The following ZNF331 variants were observed in gnomAD, a reference collection of about 807,000 sequenced individuals.
ZNF331 encodes the protein zinc finger protein 331, also known as C2H2-like zinc finger protein rearranged in thyroid adenomas.
In ZNF331, 2 loss-of-function variants were observed where a neutral mutation model predicts 7.0. That is an observed-to-expected ratio of 0.29 (90% CI 0.12 to 0.90). The LOEUF is 0.90. Among genes scored for constraint, ZNF331 ranks in the 40% least tolerant of loss-of-function variants. The pLI is 0.58. For synonymous variants in ZNF331, 196 were observed against 205.4 expected, an observed-to-expected ratio of 0.95 and a Z score of 0.39; for missense variants, 432 against 587.7, an observed-to-expected ratio of 0.74 and a Z score of 2.74.
chr19:53,534,820 CAT>C (rs2087678814), upstream of ZNF331, among the ~76,000 whole-genome samples: 1 of 152,060 alleles, frequency 6.6e-6, no homozygotes, highest in African/African-American at 2.4e-5. Flanking sequence ...TGCCTTGTAA[CAT>C]AACATATTCC....
At chr19:53,537,904 G>A (rs2087837889), upstream of ZNF331, 1 of 151,878 alleles carries the variant, frequency 6.6e-6, no homozygotes, top group Admixed American at 6.6e-5. Context: ...CGGCATCTGT[G>A]CGTGCGCACA....
rs571164233 is a variant in ZNF331 at position 53,524,767 on chromosome 19, A to G, written c.-205+2083A>G. Among the ~76,000 whole-genome samples, 7 of 152,162 alleles carry G rather than the reference A, an allele frequency of 4.6e-5. No homozygotes were observed. In the East Asian group the frequency reaches 1.4e-3, roughly 29 times the overall value. On this transcript the variant is annotated intron_variant, in intron 2 of 6. Coordinates refer to the ZNF331 transcript ENST00000253144. ...TTGCTGTTCAGAAGCTCTTTAGTTT[A>G]ATTAGATCCCATTTGTCTATTTTGG...
At chr19:53,507,966 A>G in the ZNF331 span, among the ~76,000 whole-genome samples, 1 of 152,150 alleles carries the variant, frequency 6.6e-6, no homozygotes, top group African/African-American at 2.4e-5. Context: ...GGTTTTGGCC[A>G]CTGCCCACAT....
chr19:53,558,942 C>T lies in ZNF331; in HGVS notation c.-74+3034C>T, dbSNP rs796624754. ...TATACACACACATACACACCATACA[C>T]ACATATACACATACCATATACACAC... On this transcript the variant is annotated intron_variant, in intron 3 of 5. Coordinates refer to ENST00000449416, the MANE Select transcript of ZNF331 (RefSeq NM_001079906.2). This position sits in a 1 kb window ranked among gnomAD's most constrained non-coding sequence, Gnocchi z 4.5. Among the ~76,000 whole-genome samples, 7 of 97,566 alleles carry T rather than the reference C, an allele frequency of 7.2e-5. No individual in the cohort carries two copies. The highest frequency in any genetic ancestry group is 4.9e-4 in the African/African-American group (7 of 14,180). The allele number at this position is 97,566 out of a possible 152,430, so 64.0% of individuals were successfully genotyped here. A position where few individuals can be genotyped will look rare whatever the true frequency, so the allele number is the denominator to read the frequency against.
intron 3 of ZNF331, among the ~76,000 whole-genome samples, chr19:53,556,381 C>T (rs1219023942): frequency 6.6e-6 from 1 of 152,072 alleles, no homozygotes; most frequent in Non-Finnish European, 1.5e-5. Context: ...CTGTACTAAA[C>T]TGTCTCTTGT....
chr19:53,519,269 G>A (rs914009941), upstream of ZNF331, among the ~76,000 whole-genome samples: 1 of 152,026 alleles, frequency 6.6e-6, no homozygotes, highest in Non-Finnish European at 1.5e-5. Context: ...CCCAACAACA[G>A]CATATATTTT....
rs569374525 is a variant in ZNF331, at chr19:53,544,350, C to A, written c.-138+5068C>A. 6.6e-5 allele frequency among the ~76,000 whole-genome samples: 10 copies of A among 151,400 alleles called. No individual in the cohort carries two copies. In the East Asian group the frequency reaches 1.8e-3, roughly 27 times the overall value. ...CACGAGGTCAGGAGATGGAGACCAT[C>A]CTGGCTAACACGGTGAAACCCCATC... On this transcript the variant is annotated intron_variant, in intron 2 of 5. Transcript: ENST00000449416.
Position 53,556,868 on chromosome 19 carries a change from C to T in ZNF331, c.-74+960C>T, listed in dbSNP as rs577096548. On this transcript the variant is annotated intron_variant, in intron 3 of 5. Transcript: ENST00000449416. ...TCATCCAGGTTGGAGTGCAGTGGCA[C>T]AATCTTGGCTCACTTCAACCTCTGC... Among the ~76,000 whole-genome samples the T allele has an allele frequency of 3.9e-4, 59 of 150,878 alleles. 1 individual carries two copies. The highest frequency in any genetic ancestry group is 6.8e-3 in the Middle Eastern group (2 of 292).
At chr19:53,510,540 C>T in the ZNF331 span, among the ~76,000 whole-genome samples, 1 of 151,552 alleles carries the variant, frequency 6.6e-6, no homozygotes, top group South Asian at 2.1e-4. Context: ...TTATGCACTG[C>T]AGTCTATTTC....
intron 3 of ZNF331, among the ~76,000 whole-genome samples, chr19:53,561,334 CAAAAAAAA>C (rs59551370): frequency 9.5e-6 from 1 of 104,886 alleles, no homozygotes; most frequent in Admixed American, 1.1e-4. Flanking sequence ...GCCTGCTGGC[CAAAAAAAA>C]AAAAAAAAAA....
At chr19:53,520,745 C>T (rs953289998), upstream of ZNF331, among the ~76,000 whole-genome samples, 7 of 152,186 alleles carry the variant, frequency 4.6e-5, no homozygotes, top group Non-Finnish European at 1.0e-4. Flanking sequence ...CACTGATGGG[C>T]GCCCTTCCAG....
the ZNF331 span, among the ~76,000 whole-genome samples, chr19:53,506,325 A>G: frequency 2.7e-5 from 2 of 73,926 alleles, no homozygotes; most frequent in South Asian, 5.1e-4. Flanking sequence ...ACAGAGCGAG[A>G]CTCCGTCTCA....
At chr19:53,561,090 C>G (rs1018045101) in intron 3 of ZNF331, among the ~76,000 whole-genome samples, 3 of 151,976 alleles carry the variant, frequency 2.0e-5, no homozygotes, top group Admixed American at 2.0e-4. Context: ...CCCAGGAGAT[C>G]GAAGCTGCAG....
Position 53,547,736 on chromosome 19 carries a change from A to G in ZNF331, c.-137-8109A>G, listed in dbSNP as rs567861890. Among the ~76,000 whole-genome samples the G allele has an allele frequency of 3.3e-5, 5 of 152,196 alleles. No homozygotes were observed. In the South Asian group the frequency reaches 1.0e-3, roughly 32 times the overall value. On this transcript the variant is annotated intron_variant, in intron 2 of 5. Coordinates refer to ENST00000449416, the MANE Select transcript of ZNF331 (RefSeq NM_001079906.2). ...GCCATTCTTACATGTATGAGGTGATATCTCATTGTGGTTTAACTTTTTGTT... is the reference window on the plus strand; with the variant it reads ...GCCATTCTTACATGTATGAGGTGATGTCTCATTGTGGTTTAACTTTTTGTT...
At chr19:53,534,386 C>G (rs1459161419), upstream of ZNF331, among the ~76,000 whole-genome samples, 3 of 152,162 alleles carry the variant, frequency 2.0e-5, no homozygotes, top group South Asian at 4.1e-4. Flanking sequence ...CTCCCAGATT[C>G]AAGCGATTCT....
upstream of ZNF331, among the ~76,000 whole-genome samples, chr19:53,537,089 TATCTA>T (rs2087786652): frequency 6.6e-6 from 1 of 152,196 alleles, no homozygotes; most frequent in South Asian, 2.1e-4. Flanking sequence ...ATCTAAAGTC[TATCTA>T]ATTAAAAGAG....
At chr19:53,564,436 T>C (rs147908108) in intron 3 of ZNF331, among the ~76,000 whole-genome samples, 4,175 of 152,074 alleles carry the variant, frequency 0.027, 204 homozygotes, top group African/African-American at 0.096. Flanking sequence ...TGTGCCACCA[T>C]GCCCGGCTAA....
intron 2 of ZNF331, among the ~76,000 whole-genome samples, chr19:53,553,367 C>T (rs562087096): frequency 6.6e-6 from 1 of 151,800 alleles, no homozygotes; most frequent in African/African-American, 2.4e-5. Flanking sequence ...AATGTCCTGG[C>T]GGTGATATTA....
chr19:53,504,046 G>A, the ZNF331 span: 4 of 453,182 alleles, frequency 8.8e-6, no homozygotes, highest in South Asian at 3.7e-5. Context: ...TAGGACCAGC[G>A]TCTCCCCCAC....
Sources: allele counts gnomAD v4.1 joint callset (sites outside exome capture counted in the v4.1 genomes callset), GRCh38; gene constraint gnomAD v4.1.1; non-coding constraint Gnocchi (gnomAD v3.1); transcripts MANE v1.5; gene names NCBI Gene and HGNC (gene_info 2026-07-23, HGNC 2026-07-21).